The following BEGAIN variants were observed in gnomAD, a reference collection of about 807,000 sequenced individuals.
The protein encoded by BEGAIN is brain-enriched guanylate kinase-associated protein.
BEGAIN carries 19 observed loss-of-function variants against 35.8 expected under a neutral mutation model. That is an observed-to-expected ratio of 0.53 (90% CI 0.37 to 0.78). The LOEUF (loss-of-function observed/expected upper bound fraction) is 0.78, where lower values mean the gene tolerates loss of function less well. Among genes scored for constraint, BEGAIN ranks in the 30% least tolerant of loss-of-function variants. The pLI, the probability that BEGAIN is intolerant of heterozygous loss-of-function variation, is 0.00. For synonymous variants in BEGAIN, 462 were observed against 388.6 expected, an observed-to-expected ratio of 1.19 and a Z score of -2.22; for missense variants, 795 against 853.6, an observed-to-expected ratio of 0.93 and a Z score of 0.85.
Position 100,586,032 on chromosome 14 carries a change from C to T in BEGAIN, c.42+1217G>A, listed in dbSNP as rs1190113918. ...GCTGGGGCCCTCTCTGCCGTCTCCC[C>T]GCCCTGCGTGTCACAGATGCCAGGC... is the stretch of plus-strand genomic sequence containing the variant. On this transcript the variant is annotated intron_variant, in intron 1 of 6. Coordinates refer to ENST00000554140, the MANE Select transcript of BEGAIN (RefSeq NM_001385089.1). The surrounding 1 kb of genome is among the most constrained non-coding windows in gnomAD (Gnocchi z 4.9). 6.6e-6 allele frequency among the ~76,000 whole-genome samples: 1 copy of T among 152,260 alleles called. No homozygotes were observed. Among genetic ancestry groups the T allele is most frequent in the Admixed American group, 6.5e-5 (1 of 15,292 alleles).
rs762662042 is a variant in BEGAIN at position 100,538,062 on chromosome 14, G to T, written c.1746C>A (p.Ser582Arg). 4.4e-6 allele frequency: 7 copies of T among 1,599,286 alleles called. No individual in the cohort carries two copies. The highest frequency in any genetic ancestry group is 4.5e-5 in the East Asian group (2 of 44,576). The change falls in exon 7 of 7, where the codon AGC becomes AGA. Residue 582 changes from serine to arginine, a missense_variant. Transcript: ENST00000554140. ...SPEMHPAARLSPQQAFPRTGG... is the reference protein window; with the variant it reads ...SPEMHPAARLRPQQAFPRTGG... ...CAGTCCGCGGAAAGGCCTGCTGGGGGCTGAGGCGGGCGGCAGGATGCATTT... is the reference window on the plus strand; with the variant it reads ...CAGTCCGCGGAAAGGCCTGCTGGGGTCTGAGGCGGGCGGCAGGATGCATTT...
chr14:100,561,703 G>A (rs1437034642), intron 2 of BEGAIN, among the ~76,000 whole-genome samples: 1 of 149,026 alleles, frequency 6.7e-6, no homozygotes, highest in Non-Finnish European at 1.5e-5. Context: ...CTGGCGGACA[G>A]AGCAAGACTG....
rs910652276 is a variant in BEGAIN at position 100,538,675 on chromosome 14, G to A, written c.1133C>T (p.Pro378Leu). 1.3e-6 allele frequency: 2 copies of A among 1,551,872 alleles called. No homozygotes were observed. The highest frequency in any genetic ancestry group is 1.7e-6 in the Non-Finnish European group (2 of 1,147,656). ...GCCTGGGGCCACTTCGGCCTCCAGC[G>A]GGGCCGCCACCGCGGCCGTGGCCTT... is the stretch of plus-strand genomic sequence containing the variant. ...FAKATAAVAA[P>L]LEAEVAPGFG... Residue 378 changes from proline (P) to leucine (L), a missense_variant, in exon 7 of 7, where the codon CCG (proline) becomes CTG (leucine). Pro to Leu is a moderately conservative substitution (Grantham distance 98, BLOSUM62 -3). Coordinates refer to ENST00000554140, the MANE Select transcript of BEGAIN (RefSeq NM_001385089.1).
chr14:100,538,080 A>T lies in BEGAIN; in HGVS notation c.1728T>A (p.His576Gln). The change falls in exon 7 of 7, where the codon CAT becomes CAA. Residue 576 changes from histidine to glutamine, a missense_variant. By Grantham distance (24) the His-to-Gln change is conservative. Around this residue, in one of 3 missense-constraint regions of BEGAIN, gnomAD observed 664 missense variants for 647.7 expected, o/e 1.03. Coordinates refer to ENST00000554140, the MANE Select transcript of BEGAIN (RefSeq NM_001385089.1). Reference protein sequence around the residue: ...PSSMEASPEMHPAARLSPQQA... With the variant: ...PSSMEASPEMQPAARLSPQQA... ...GCTGGGGGCTGAGGCGGGCGGCAGG[A>T]TGCATTTCCGGGGAGGCCTCCATGG... is the stretch of plus-strand genomic sequence containing the variant. 6.3e-7 allele frequency: 1 copy of T among 1,591,146 alleles called. No individual in the cohort carries two copies. The highest frequency in any genetic ancestry group is 1.1e-5 in the South Asian group (1 of 88,060).
intron 2 of BEGAIN, among the ~76,000 whole-genome samples, chr14:100,555,182 GC>G (rs896282951): frequency 1.3e-5 from 2 of 152,326 alleles, no homozygotes; most frequent in South Asian, 2.1e-4. Context: ...AGCTGCTTCT[GC>G]CCCCCGCCAG....
At chr14:100,545,194 C>T (rs1271187305) in intron 3 of BEGAIN, 128 bp from the exon 4 acceptor site, 6 of 1,544,436 alleles carry the variant, frequency 3.9e-6, no homozygotes, top group South Asian at 2.4e-5. Flanking sequence ...ACCAGCTTCA[C>T]CCTGGTGGAA....
At position 100,545,085 on chromosome 14, in the gene BEGAIN, G is replaced by A; in HGVS notation, c.234-19C>T. The A allele has an allele frequency of 6.2e-7, 1 of 1,612,928 alleles. No homozygotes were observed. Among genetic ancestry groups the A allele is most frequent in the Non-Finnish European group, 8.5e-7 (1 of 1,179,954 alleles). On this transcript the variant is annotated intron_variant, in intron 3 of 6. Coordinates refer to ENST00000554140, the MANE Select transcript of BEGAIN (RefSeq NM_001385089.1). ...CTGAATCCTGGTGCAGGAGGCAAGGGGGTCACTGCCATGCAAGGCCTGTCC... is the reference window on the plus strand; with the variant it reads ...CTGAATCCTGGTGCAGGAGGCAAGGAGGTCACTGCCATGCAAGGCCTGTCC...
Position 100,585,136 on chromosome 14 carries a change from G to A in BEGAIN, c.42+2113C>T, listed in dbSNP as rs117509106. Reference sequence around the variant, plus strand: ...TGGACCCCACCTCCTGGGACCCTGGGTAATGATTTGTGGACTGTGTCCAAT... The same window carrying A: ...TGGACCCCACCTCCTGGGACCCTGGATAATGATTTGTGGACTGTGTCCAAT... On this transcript the variant is annotated intron_variant, in intron 1 of 6. Coordinates refer to ENST00000554140, the MANE Select transcript of BEGAIN (RefSeq NM_001385089.1). Among the ~76,000 whole-genome samples the A allele has an allele frequency of 1.2e-3, 187 of 152,198 alleles. 3 individuals carry two copies. The highest frequency in any genetic ancestry group is 0.011 in the East Asian group (58 of 5,172).
At chr14:100,555,705 G>GTC (rs1257569362) in intron 2 of BEGAIN, among the ~76,000 whole-genome samples, 1 of 152,234 alleles carries the variant, frequency 6.6e-6, no homozygotes. Flanking sequence ...CCTGGTGCGT[G>GTC]TCTCCCGCAC....
At position 100,567,762 on chromosome 14, in the gene BEGAIN, C is replaced by T; in HGVS notation, c.71+149G>A. 1.5e-6 allele frequency: 1 copy of T among 677,144 alleles called. No homozygotes were observed. The highest frequency in any genetic ancestry group is 2.1e-6 in the Non-Finnish European group (1 of 487,064). The allele number at this position is 677,144 out of a possible 1,614,324, so 41.9% of individuals were successfully genotyped here. Reference sequence around the variant, plus strand: ...CCTCGCGGCGCGCACACACGCACCACACACACGCACCTGGCCCGCAGCCCC... The same window carrying T: ...CCTCGCGGCGCGCACACACGCACCATACACACGCACCTGGCCCGCAGCCCC... On this transcript the variant is annotated intron_variant, in intron 2 of 6. Coordinates refer to ENST00000554140, the MANE Select transcript of BEGAIN (RefSeq NM_001385089.1). This position sits in a 1 kb window ranked among gnomAD's most constrained non-coding sequence, Gnocchi z 5.1.
In BEGAIN at chr14:100,563,726, C is replaced by T. The variant is rs747571021; in HGVS notation, c.71+4185G>A. 5.9e-5 allele frequency among the ~76,000 whole-genome samples: 9 copies of T among 152,310 alleles called. No individual in the cohort carries two copies. The South Asian group carries it at 8.3e-4, about 14-fold the overall frequency. On this transcript the variant is annotated intron_variant, in intron 2 of 6. Coordinates refer to ENST00000554140, the MANE Select transcript of BEGAIN (RefSeq NM_001385089.1). The surrounding 1 kb of genome is among the most constrained non-coding windows in gnomAD (Gnocchi z 4.2). ...TCCACTGAGGGTGCACACCCAGAAT[C>T]GCAGCCCACATCCCCAGACACCCGC...
At position 100,561,583 on chromosome 14, in the gene BEGAIN, T is replaced by C. The variant is rs77908524; in HGVS notation, c.71+6328A>G. On this transcript the variant is annotated intron_variant, in intron 2 of 6. Transcript: ENST00000554140. ...GGGCGACATGGTGACACCCTGTCTC[T>C]ACCAAAAATACAAAATTAGCCTGGT... 3.6e-3 allele frequency among the ~76,000 whole-genome samples: 546 copies of C among 152,108 alleles called. 7 individuals are homozygous for C. The East Asian group carries it at 0.055, about 15-fold the overall frequency.
At position 100,538,281 on chromosome 14, in the gene BEGAIN, G is replaced by A; in HGVS notation, c.1527C>T (p.Pro509=). 1 of 1,555,178 alleles carries A rather than the reference G, an allele frequency of 6.4e-7. No homozygotes were observed. The highest frequency in any genetic ancestry group is 1.2e-5 in the South Asian group (1 of 84,444). The change falls in exon 7 of 7, where the codon CCC becomes CCT. Residue 509 remains proline, a synonymous_variant. Coordinates refer to ENST00000554140, the MANE Select transcript of BEGAIN (RefSeq NM_001385089.1). ...GGTCGCCGCCCGCCCGCAGGAAGCAGGGCTCTGCCAGGTGGCCCTGGGAGA... is the reference window on the plus strand; with the variant it reads ...GGTCGCCGCCCGCCCGCAGGAAGCAAGGCTCTGCCAGGTGGCCCTGGGAGA... ...DDLSQGHLAE[P]CFLRAGGDLS...
Position 100,568,732 on chromosome 14 carries a change from C to T in BEGAIN, c.43-793G>A, listed in dbSNP as rs553965700. On this transcript the variant is annotated intron_variant, in intron 1 of 6. Coordinates refer to ENST00000554140, the MANE Select transcript of BEGAIN (RefSeq NM_001385089.1). This position sits in a 1 kb window ranked among gnomAD's most constrained non-coding sequence, Gnocchi z 7.5. ...TGTGGGCGCGGGCGAGCGACGGGGA[C>T]CGCGAGCGGCCCGGGCGGGATCGCA... 9.9e-5 allele frequency among the ~76,000 whole-genome samples: 15 copies of T among 151,860 alleles called. No homozygotes were observed. Among genetic ancestry groups the T allele is most frequent in the African/African-American group, 3.6e-4 (15 of 41,516 alleles).
chr14:100,540,573 A>G lies in BEGAIN; in HGVS notation c.415T>C (p.Tyr139His). 1 of 1,602,110 alleles carries G rather than the reference A, an allele frequency of 6.2e-7. No individual in the cohort carries two copies. The highest frequency in any genetic ancestry group is 8.5e-7 in the Non-Finnish European group (1 of 1,173,882). Residue 139 changes from tyrosine (Y) to histidine (H), a missense_variant, in exon 6 of 7, where the codon TAT (tyrosine) becomes CAT (histidine). Physicochemically the swap from Tyr to His is moderately conservative, Grantham distance 83. Around this residue, in one of 3 missense-constraint regions of BEGAIN, gnomAD observed 73 missense variants for 143.2 expected, o/e 0.51. Transcript: ENST00000554140. ...GCCGCTAGATTGCAGTCCTTCCTAT[A>G]GAGCTCCTAAAAGACAAGAGAAGGC... ...IDKLSEDNEL[Y>H]RKDCNLAAQL...
At position 100,580,674 on chromosome 14, in the gene BEGAIN, C is replaced by A. The variant is rs2035296988; in HGVS notation, c.42+6575G>T. ...TGCGGCAGCCCCTTATAGCCCTGGC[C>A]CCCAGCTGTAACTAATGTTTGCAAT... On this transcript the variant is annotated intron_variant, in intron 1 of 6. Coordinates refer to ENST00000554140, the MANE Select transcript of BEGAIN (RefSeq NM_001385089.1). Among the ~76,000 whole-genome samples, 3 of 152,272 alleles carry A rather than the reference C, an allele frequency of 2.0e-5. No homozygotes were observed. The South Asian group carries it at 6.2e-4, about 32-fold the overall frequency.
intron 1 of BEGAIN, among the ~76,000 whole-genome samples, chr14:100,575,362 T>C (rs1449572102): frequency 6.6e-6 from 1 of 152,154 alleles, no homozygotes; most frequent in African/African-American, 2.4e-5. Context: ...GCTATCTTTA[T>C]CACCACTATC....
intron 2 of BEGAIN, among the ~76,000 whole-genome samples, chr14:100,565,383 G>A (rs1374365832): frequency 6.6e-6 from 1 of 152,192 alleles, no homozygotes; most frequent in East Asian, 1.9e-4. Flanking sequence ...GCCAGTGGGA[G>A]GGACCAGGGA....
intron 6 of BEGAIN, 129 bp downstream of exon 6, chr14:100,540,367 G>A: frequency 1.4e-6 from 1 of 739,308 alleles, no homozygotes; most frequent in South Asian, 1.7e-5. Flanking sequence ...GAGCGAGGGG[G>A]ACAGAGGAGG....
Sources: allele counts gnomAD v4.1 joint callset (sites outside exome capture counted in the v4.1 genomes callset), GRCh38; gene constraint gnomAD v4.1.1; regional missense constraint gnomAD v4.1.1; non-coding constraint Gnocchi (gnomAD v3.1); transcripts MANE v1.5; gene names NCBI Gene and HGNC (gene_info 2026-07-23, HGNC 2026-07-21).